Variants in ZNF385D observed in about 807,000 individuals in gnomAD.
ZNF385D encodes the protein zinc finger protein 659.
Under a neutral mutation model 35.8 loss-of-function variants are expected in ZNF385D, and 15 were observed. The observed-to-expected ratio is 0.42, with a 90% CI of 0.28 to 0.64. The LOEUF (loss-of-function observed/expected upper bound fraction) is 0.64. ZNF385D is among the 30% of genes least tolerant of loss of function. The pLI is 0.23. For synonymous variants in ZNF385D, 212 were observed against 186.8 expected (o/e 1.13, Z -1.10); for missense variants, 474 against 494.6 (o/e 0.96, Z 0.39).
At chr3:21,441,945 G>A (rs114085594) in intron 4 of ZNF385D, among the ~76,000 whole-genome samples, 2,062 of 152,148 alleles carry the variant, frequency 0.014, 40 homozygotes, top group African/African-American at 0.047. Flanking sequence ...TTCTGCCAGC[G>A]CCCTGTAGCA....
Position 22,305,263 on chromosome 3 carries a change from G to C in ZNF385D, c.106+67187C>G. On this transcript the variant is annotated intron_variant, in intron 2 of 5. Transcript: ENST00000494108. Reference sequence around the variant, plus strand: ...TCTCCTTAACATTTATCTGCTACTAGAGTAGTATGCTACTTTTTTGTTGTT... The same window carrying C: ...TCTCCTTAACATTTATCTGCTACTACAGTAGTATGCTACTTTTTTGTTGTT... Among the ~76,000 whole-genome samples, 2 of 152,002 alleles carry C rather than the reference G, an allele frequency of 1.3e-5. 1 individual carries two copies. The highest frequency in any genetic ancestry group is 2.9e-5 in the Non-Finnish European group (2 of 68,000).
chr3:22,026,246 C>T (rs1206115856), intron 3 of ZNF385D, among the ~76,000 whole-genome samples: 1 of 152,154 alleles, frequency 6.6e-6, no homozygotes, highest in Non-Finnish European at 1.5e-5. Context: ...CCCTCAATTT[C>T]AAGACTTGAC....
At chr3:21,689,120 C>T (rs1368170934) in intron 1 of ZNF385D, among the ~76,000 whole-genome samples, 4 of 127,972 alleles carry the variant, frequency 3.1e-5, no homozygotes, top group African/African-American at 5.9e-5. Context: ...CCTGCCCCAC[C>T]TTATTGAAGC....
At chr3:21,758,920 A>G (rs1229635642) in intron 3 of ZNF385D, among the ~76,000 whole-genome samples, 2 of 134,674 alleles carry the variant, frequency 1.5e-5, no homozygotes, top group Non-Finnish European at 1.5e-5. Flanking sequence ...CAGACCACCT[A>G]GTATGGTGCC....
At chr3:22,214,927 C>A (rs1041207451) in intron 2 of ZNF385D, among the ~76,000 whole-genome samples, 1 of 151,908 alleles carries the variant, frequency 6.6e-6, no homozygotes, top group Non-Finnish European at 1.5e-5. Context: ...TTTGTACACA[C>A]CCTCCCCTTT....
intron 3 of ZNF385D, among the ~76,000 whole-genome samples, chr3:22,037,489 T>TG (rs1349665096): frequency 1.3e-5 from 2 of 152,154 alleles, no homozygotes; most frequent in African/African-American, 4.8e-5. Context: ...TTCACGTGTC[T>TG]GTTGGCTGCA....
At chr3:22,302,635 G>C (rs1702965686) in intron 2 of ZNF385D, among the ~76,000 whole-genome samples, 1 of 151,866 alleles carries the variant, frequency 6.6e-6, no homozygotes, top group African/African-American at 2.4e-5. Context: ...AGATGGGATA[G>C]CTTTGTTGGG....
intron 2 of ZNF385D, among the ~76,000 whole-genome samples, chr3:22,224,192 T>G (rs755380737): frequency 6.6e-6 from 1 of 152,150 alleles, no homozygotes; most frequent in African/African-American, 2.4e-5. Context: ...ATAAATGAAT[T>G]CAGTACAGGT....
intron 2 of ZNF385D, among the ~76,000 whole-genome samples, chr3:22,246,126 C>G (rs760559133): frequency 2.0e-5 from 3 of 152,140 alleles, no homozygotes; most frequent in Non-Finnish European, 4.4e-5. Flanking sequence ...GATTTAAATG[C>G]AAACTTTTAT....
intron 3 of ZNF385D, chr3:21,957,301 A>G (rs1190323014): frequency 6.5e-6 from 1 of 153,606 alleles, no homozygotes; most frequent in Non-Finnish European, 1.4e-5. Context: ...GGAGTGGAGC[A>G]TTGCTGAAAA....
At position 21,975,537 on chromosome 3, in the gene ZNF385D, C is replaced by A. The variant is rs951034452; in HGVS notation, c.325+193280G>T. Among the ~76,000 whole-genome samples, 5 of 152,020 alleles carry A rather than the reference C, an allele frequency of 3.3e-5. No homozygotes were observed. In the East Asian group the frequency reaches 9.7e-4, roughly 29 times the overall value. On this transcript the variant is annotated intron_variant, in intron 3 of 5. Coordinates refer to the ZNF385D transcript ENST00000494108. ...CGATTTATTGTACACTTTAAAATAA[C>A]TAAAAGCATATAATTTGGTTGTAAC...
chr3:21,553,036 C>T (rs890104290), intron 3 of ZNF385D, among the ~76,000 whole-genome samples: 13 of 152,038 alleles, frequency 8.6e-5, no homozygotes, highest in African/African-American at 1.9e-4. Context: ...TGGGGTCTGG[C>T]CCTTGCTGTT....
intron 3 of ZNF385D, among the ~76,000 whole-genome samples, chr3:22,085,017 T>C (rs1172319538): frequency 6.6e-6 from 1 of 152,140 alleles, no homozygotes; most frequent in African/African-American, 2.4e-5. Flanking sequence ...AAGATGTTCT[T>C]TGAAACCAAT....
intron 3 of ZNF385D, among the ~76,000 whole-genome samples, chr3:22,016,311 C>G (rs1696880643): frequency 6.6e-6 from 1 of 152,054 alleles, no homozygotes; most frequent in Non-Finnish European, 1.5e-5. Context: ...CTCCTCTACC[C>G]TCAGCAAAGA....
At chr3:21,701,421 C>T (rs1453387626) in intron 1 of ZNF385D, among the ~76,000 whole-genome samples, 4 of 152,120 alleles carry the variant, frequency 2.6e-5, no homozygotes, top group Non-Finnish European at 5.9e-5. Flanking sequence ...GATTCAGTTA[C>T]CTCCCCCTGG....
intron 3 of ZNF385D, among the ~76,000 whole-genome samples, chr3:21,998,443 A>G (rs1391329): frequency 0.65 from 99,627 of 152,136 alleles, 33,919 homozygotes; most frequent in African/African-American, 0.82. Flanking sequence ...TTTTAGTGTC[A>G]CTATGAGAAA....
At chr3:21,990,659 G>A (rs891477501) in intron 3 of ZNF385D, among the ~76,000 whole-genome samples, 9 of 152,100 alleles carry the variant, frequency 5.9e-5, no homozygotes, top group African/African-American at 2.2e-4. Context: ...AATATATAAA[G>A]TTATCAATTA....
At chr3:21,898,432 G>A (rs1575864293) in intron 3 of ZNF385D, among the ~76,000 whole-genome samples, 1 of 152,070 alleles carries the variant, frequency 6.6e-6, no homozygotes, top group African/African-American at 2.4e-5. Flanking sequence ...AAACACATAA[G>A]AAAATGTTGT....
intron 1 of ZNF385D, among the ~76,000 whole-genome samples, chr3:21,666,750 C>T (rs974547452): frequency 2.9e-4 from 44 of 152,044 alleles, no homozygotes; most frequent in African/African-American, 1.1e-3. Context: ...TTTTAAAAAC[C>T]AAAATAAATT....
Sources: gnomAD v4.1 joint callset for allele counts (sites outside exome capture counted in the v4.1 genomes callset) on GRCh38, gnomAD v4.1.1 for gene constraint, MANE v1.5 for transcripts, NCBI Gene and HGNC (gene_info 2026-07-23, HGNC 2026-07-21) for gene names.